Variants in LIPE observed in about 807,000 individuals in gnomAD.
The protein encoded by LIPE is hormone-sensitive lipase.
In LIPE, 66 loss-of-function variants were observed where a neutral mutation model predicts 88.5. The observed-to-expected ratio is 0.75, with a 90% CI of 0.61 to 0.91. The LOEUF (loss-of-function observed/expected upper bound fraction) is 0.91, where lower values mean the gene tolerates loss of function less well. LIPE is among the 40% of genes least tolerant of loss of function. The pLI is 0.00. For missense variants in LIPE, 1,346 were observed against 1,434.7 expected (o/e 0.94, Z 1.00); for synonymous variants, 570 against 617.5 (o/e 0.92, Z 1.14).
chr19:42,401,590 CGCA>C lies in LIPE; in HGVS notation c.*219_*221del, dbSNP rs113461674. The C allele has an allele frequency of 3.7e-5, 19 of 511,920 alleles. No individual in the cohort carries two copies. Among genetic ancestry groups the C allele is most frequent in the South Asian group, 1.7e-4 (6 of 35,096 alleles). The allele number at this position is 511,920 out of a possible 1,614,324, so 31.7% of individuals were successfully genotyped here. On this transcript the variant is annotated 3_prime_UTR_variant, in exon 10 of 10. Transcript: ENST00000244289. The stretch of plus-strand genomic sequence containing the variant: ...CAGTCCCCGTCCCTGCGGCGGTCGC[CGCA>C]GCAGCAGCAGCAAAAGGCAGCGGTG...
intron 8 of LIPE, among the ~76,000 whole-genome samples, chr19:42,403,627 T>C (rs1006015929): frequency 6.6e-6 from 1 of 151,988 alleles, no homozygotes; most frequent in Non-Finnish European, 1.5e-5. Flanking sequence ...TTTGTGTTTT[T>C]TTTTTAGCAG....
rs763163624 is a variant in LIPE, at chr19:42,426,438, C to T, written c.712G>A (p.Val238Met). 2 of 1,614,104 alleles carry T rather than the reference C, an allele frequency of 1.2e-6. No homozygotes were observed. Among genetic ancestry groups the T allele is most frequent in the South Asian group, 1.1e-5 (1 of 91,084 alleles). Reference sequence around the variant, plus strand: ...GAATCTGTGTCTGAAGATGATCCCACATCTGATTCTGACTCAGAATCTGTG... The same window carrying T: ...GAATCTGTGTCTGAAGATGATCCCATATCTGATTCTGACTCAGAATCTGTG... ...WVTDSESESD[V>M]GSSSDTDSPA... Residue 238 changes from valine (V) to methionine (M), a missense_variant, in exon 1 of 10, where the codon GTG becomes ATG. Val to Met is a conservative substitution (Grantham distance 21). Coordinates refer to ENST00000244289, the MANE Select transcript of LIPE (RefSeq NM_005357.4).
In LIPE at chr19:42,410,468, T is replaced by C. The variant is rs1001079272; in HGVS notation, c.1258A>G (p.Thr420Ala). Residue 420 changes from threonine to alanine, a missense_variant, in exon 2 of 10, where the codon ACC becomes GCC. Transcript: ENST00000244289. The surrounding 1 kb of genome is among the most constrained non-coding windows in gnomAD (Gnocchi z 6.1). ...AELEAYLAAL[T>A]QLRALVYYAQ... ...TAGTAGACCAGAGCGCGGAGCTGGG[T>C]GAGGGCAGCCAGGTAGGCCTCCAGC... The C allele has an allele frequency of 6.2e-7, 1 of 1,613,828 alleles. No homozygotes were observed. The highest frequency in any genetic ancestry group is 8.5e-7 in the Non-Finnish European group (1 of 1,180,006).
intron 8 of LIPE, among the ~76,000 whole-genome samples, chr19:42,404,291 G>GC (rs1327615325): frequency 2.6e-5 from 4 of 151,338 alleles, no homozygotes; most frequent in Non-Finnish European, 5.9e-5. Flanking sequence ...GAGTGCAGTG[G>GC]CGTGATCTCG....
chr19:42,425,785 G>A (rs771415428), intron 1 of LIPE, among the ~76,000 whole-genome samples: 11 of 152,078 alleles, frequency 7.2e-5, no homozygotes, highest in Admixed American at 2.0e-4. Context: ...ACCCCAGCCT[G>A]GGCGACAGAG....
Position 42,407,248 on chromosome 19 carries a change from T to C in LIPE, c.2063A>G (p.Glu688Gly). Residue 688 changes from glutamate to glycine, a missense_variant, in exon 6 of 10, where the codon GAG becomes GGG. Physicochemically the swap from Glu to Gly is moderately conservative, Grantham distance 98. Coordinates refer to ENST00000244289, the MANE Select transcript of LIPE (RefSeq NM_005357.4). The surrounding 1 kb of genome is among the most constrained non-coding windows in gnomAD (Gnocchi z 5.8). ...IISIDYSLAP[E>G]APFPRALEEC... Reference sequence around the variant, plus strand: ...CTCCAGCGCACGGGGGAAGGGGGCCTCAGGGGCCAGGGAGTAGTCGATGGA... The same window carrying C: ...CTCCAGCGCACGGGGGAAGGGGGCCCCAGGGGCCAGGGAGTAGTCGATGGA... The C allele has an allele frequency of 6.3e-7, 1 of 1,593,308 alleles. No homozygotes were observed. Among genetic ancestry groups the C allele is most frequent in the Non-Finnish European group, 8.5e-7 (1 of 1,170,056 alleles).
Position 42,427,331 on chromosome 19 carries a change from C to T in LIPE, c.-182G>A. ...GCAGCTGGCAGTTGGCCGATCACAG[C>T]TGGCCCCCACTAAGTAATGAACTCT... On this transcript the variant is annotated 5_prime_UTR_variant, in exon 1 of 10. Transcript: ENST00000244289. 1 of 1,151,972 alleles carries T rather than the reference C, an allele frequency of 8.7e-7. No homozygotes were observed. The highest frequency in any genetic ancestry group is 1.2e-6 in the Non-Finnish European group (1 of 858,024). The allele number at this position is 1,151,972 out of a possible 1,614,324, so 71.4% of individuals were successfully genotyped here. A position where few individuals can be genotyped will look rare whatever the true frequency, so the allele number is the denominator to read the frequency against.
chr19:42,420,923 CAA>C (rs2040586294), intron 1 of LIPE, among the ~76,000 whole-genome samples: 1 of 151,982 alleles, frequency 6.6e-6, no homozygotes, highest in South Asian at 2.1e-4. Context: ...CTTTTTGAGA[CAA>C]AGTCTCATTG....
intron 1 of LIPE, among the ~76,000 whole-genome samples, chr19:42,412,859 G>A (rs1042129219): frequency 6.6e-6 from 1 of 152,222 alleles, no homozygotes; most frequent in African/African-American, 2.4e-5. Flanking sequence ...GCTGTTGGGG[G>A]GAGAGAGGAG....
At chr19:42,424,331 G>C (rs1319645758) in intron 1 of LIPE, 2 of 458,080 alleles carry the variant, frequency 4.4e-6, no homozygotes, top group East Asian at 6.9e-5. Context: ...GGAGGCTCGA[G>C]GCTTGCTCAC....
Position 42,402,587 on chromosome 19 carries a change from C to T in LIPE, c.2967+20G>A, listed in dbSNP as rs2040017037. ...TGCTCTTCTCTAAATGCACCTGTAC[C>T]GGCCCCCTCTGTCGCTCACCACGAT... On this transcript the variant is annotated intron_variant, in intron 9 of 9. Transcript: ENST00000244289. 6.8e-7 allele frequency: 1 copy of T among 1,471,944 alleles called. No individual in the cohort carries two copies. Among genetic ancestry groups the T allele is most frequent in the Non-Finnish European group, 9.0e-7 (1 of 1,108,390 alleles). The allele number at this position is 1,471,944 out of a possible 1,614,324, so 91.2% of individuals were successfully genotyped here.
chr19:42,423,382 G>A (rs986790318), intron 1 of LIPE: 4 of 1,281,170 alleles, frequency 3.1e-6, no homozygotes, highest in African/African-American at 3.0e-5. Flanking sequence ...GATGTACGAG[G>A]TTCCTTCCGG....
rs751433356 is a variant in LIPE, at chr19:42,405,453, G to A, written c.2474C>T (p.Ser825Phe). ...LLLRDFRLGASSWLNSFLELS... is the reference protein window; with the variant it reads ...LLLRDFRLGAFSWLNSFLELS... ...CTCCAGGAAGGAGTTGAGCCATGAG[G>A]AGGCACCCAGGCGGAAGTCTCGGAG... Residue 825 changes from serine to phenylalanine, a missense_variant, in exon 8 of 10, where the codon TCC becomes TTC. Transcript: ENST00000244289. The A allele has an allele frequency of 1.9e-5, 31 of 1,613,962 alleles. No individual in the cohort carries two copies. The highest frequency in any genetic ancestry group is 2.5e-5 in the Non-Finnish European group (30 of 1,180,042).
intron 1 of LIPE, chr19:42,412,378 C>T (rs41275754): frequency 1.0e-6 from 1 of 985,800 alleles, no homozygotes; most frequent in Admixed American, 6.1e-5. Flanking sequence ...TCCTAGGCAT[C>T]TTCCGAGCTT....
intron 1 of LIPE, chr19:42,423,381 G>C (rs905155259): frequency 5.6e-5 from 72 of 1,278,696 alleles, no homozygotes; most frequent in Non-Finnish European, 7.4e-5. Flanking sequence ...GGATGTACGA[G>C]GTTCCTTCCG....
At position 42,426,413 on chromosome 19, in the gene LIPE, G is replaced by C; in HGVS notation, c.737C>G (p.Ser246Cys). Reference sequence around the variant, plus strand: ...CACCATTCCACCCATCGTGGCTGGAGAATCTGTGTCTGAAGATGATCCCAC... The same window carrying C: ...CACCATTCCACCCATCGTGGCTGGACAATCTGTGTCTGAAGATGATCCCAC... ...SDVGSSSDTD[S>C]PATMGGMVAQ... Residue 246 changes from serine to cysteine, a missense_variant, in exon 1 of 10, where the codon TCT (serine) becomes TGT (cysteine). By Grantham distance (112) the Ser-to-Cys change is moderately radical. Coordinates refer to ENST00000244289, the MANE Select transcript of LIPE (RefSeq NM_005357.4). The C allele has an allele frequency of 6.2e-7, 1 of 1,614,076 alleles. No homozygotes were observed. Among genetic ancestry groups the C allele is most frequent in the African/African-American group, 1.3e-5 (1 of 75,034 alleles).
At position 42,415,670 on chromosome 19, in the gene LIPE, C is replaced by T. The variant is rs34874006; in HGVS notation, c.884-4828G>A. ...CTAAAAATACAAAAAATCAGCCGGG[C>T]GTGGTGGTGGGTGCCTGTAGTCCCA... is the stretch of plus-strand genomic sequence containing the variant. On this transcript the variant is annotated intron_variant, in intron 1 of 9. Transcript: ENST00000244289. 7.9e-3 allele frequency among the ~76,000 whole-genome samples: 1,196 copies of T among 152,102 alleles called. 16 individuals carry two copies. The highest frequency in any genetic ancestry group is 0.027 in the African/African-American group (1,125 of 41,484).
In LIPE at chr19:42,410,252, G is replaced by A. The variant is rs1196819701; in HGVS notation, c.1419+55C>T. On this transcript the variant is annotated intron_variant, in intron 2 of 9. Transcript: ENST00000244289. The surrounding 1 kb of genome is among the most constrained non-coding windows in gnomAD (Gnocchi z 6.1). ...TTTACCATACTATAGGCCAGGCCAG[G>A]GGCCACCAGGTGCCTTCATTGTGGG... 8.0e-6 allele frequency: 12 copies of A among 1,492,544 alleles called. No homozygotes were observed. The highest frequency in any genetic ancestry group is 1.1e-5 in the Non-Finnish European group (12 of 1,111,212). The allele number at this position is 1,492,544 out of a possible 1,614,324, so 92.5% of individuals were successfully genotyped here.
intron 1 of LIPE, among the ~76,000 whole-genome samples, chr19:42,419,802 A>G (rs893380765): frequency 1.3e-5 from 2 of 152,120 alleles, no homozygotes; most frequent in African/African-American, 2.4e-5. Flanking sequence ...GGTGGGGACA[A>G]TGAGTGGCTG....
Sources: gnomAD v4.1 joint callset for allele counts (sites outside exome capture counted in the v4.1 genomes callset) on GRCh38, gnomAD v4.1.1 for gene constraint, Gnocchi (gnomAD v3.1) non-coding constraint, MANE v1.5 for transcripts, NCBI Gene and HGNC (gene_info 2026-07-23, HGNC 2026-07-21) for gene names.